Variants in PDLIM1 observed in about 807,000 individuals in gnomAD.
The protein encoded by PDLIM1 is PDZ and LIM domain protein 1.
PDLIM1 carries 25 observed loss-of-function variants against 35.2 expected under a neutral mutation model. That is an observed-to-expected ratio of 0.71 (90% CI 0.52 to 0.99). The LOEUF (loss-of-function observed/expected upper bound fraction) is 0.99, where lower values mean the gene tolerates loss of function less well. PDLIM1 is among the 50% of genes least tolerant of loss of function. The probability of loss-of-function intolerance (pLI) is 0.00; values close to 1 mark genes in which losing one functional copy is unlikely to be tolerated. For missense variants in PDLIM1, 363 were observed against 415.3 expected (o/e 0.87, Z 1.09); for synonymous variants, 152 against 154.0 (o/e 0.99, Z 0.10).
At chr10:95,258,182 A>T (rs183524942) in intron 4 of PDLIM1, among the ~76,000 whole-genome samples, 6 of 152,208 alleles carry the variant, frequency 3.9e-5, no homozygotes, top group Admixed American at 3.9e-4. Flanking sequence ...CCCATGATTC[A>T]ATTACCTCAC....
chr10:95,276,082 C>T (rs1485415423), intron 1 of PDLIM1, among the ~76,000 whole-genome samples: 1 of 152,102 alleles, frequency 6.6e-6, no homozygotes. Context: ...CTTTCATATA[C>T]AATCTCCTAT....
chr10:95,290,516 T>A lies in PDLIM1; in HGVS notation c.96+304A>T, dbSNP rs1289592470. ...GCGGGGACCCTCGTCCCCTCGCTGG[T>A]TGACAAAGAACTAACACCCGCCCCG... On this transcript the variant is annotated intron_variant, in intron 1 of 6. Coordinates refer to ENST00000329399, the MANE Select transcript of PDLIM1 (RefSeq NM_020992.4). The surrounding 1 kb of genome is among the most constrained non-coding windows in gnomAD (Gnocchi z 4.7). Among the ~76,000 whole-genome samples, 1 of 152,062 alleles carries A rather than the reference T, an allele frequency of 6.6e-6. No homozygotes were observed. Among genetic ancestry groups the A allele is most frequent in the Non-Finnish European group, 1.5e-5 (1 of 67,990 alleles).
intron 6 of PDLIM1, 70 bp from the exon 7 acceptor site, chr10:95,238,181 C>T: frequency 7.2e-7 from 1 of 1,394,968 alleles, no homozygotes; most frequent in Non-Finnish European, 9.9e-7. Flanking sequence ...GAGCAGGTGG[C>T]ACCATCCTTC....
At chr10:95,284,883 C>T (rs1001250419) in intron 1 of PDLIM1, among the ~76,000 whole-genome samples, 1 of 152,150 alleles carries the variant, frequency 6.6e-6, no homozygotes, top group Admixed American at 6.5e-5. Context: ...AACTCAGCCA[C>T]GGATGAGCAG....
intron 1 of PDLIM1, among the ~76,000 whole-genome samples, chr10:95,288,211 A>G (rs1036870183): frequency 1.3e-5 from 2 of 152,242 alleles, no homozygotes; most frequent in African/African-American, 2.4e-5. Flanking sequence ...TTGCAAGTAC[A>G]TAAGATTAGC....
chr10:95,257,218 T>C (rs1190015956), intron 4 of PDLIM1, among the ~76,000 whole-genome samples: 2 of 151,488 alleles, frequency 1.3e-5, no homozygotes, highest in Non-Finnish European at 2.9e-5. Context: ...CCTGTCTCTA[T>C]TAAAAAATAA....
intron 3 of PDLIM1, among the ~76,000 whole-genome samples, chr10:95,266,774 G>C (rs1052944412): frequency 6.6e-6 from 1 of 152,186 alleles, no homozygotes; most frequent in Non-Finnish European, 1.5e-5. Context: ...CATCTGGTTT[G>C]TACATAAAAG....
intron 3 of PDLIM1, among the ~76,000 whole-genome samples, 190 bp downstream of exon 3, chr10:95,268,588 G>C (rs1258570343): frequency 6.6e-6 from 1 of 152,158 alleles, no homozygotes; most frequent in African/African-American, 2.4e-5. Context: ...ACTGCCCTGG[G>C]GTTTTCCAGC....
intron 6 of PDLIM1, 104 bp from the exon 7 acceptor site, chr10:95,238,215 C>T: frequency 1.0e-6 from 1 of 990,294 alleles, no homozygotes; most frequent in Non-Finnish European, 1.5e-6. Flanking sequence ...TGGGGCTTCT[C>T]CCCAGGAACC....
At chr10:95,251,857 G>A (rs2035270677) in intron 4 of PDLIM1, among the ~76,000 whole-genome samples, 1 of 152,176 alleles carries the variant, frequency 6.6e-6, no homozygotes, top group Admixed American at 6.5e-5. Flanking sequence ...CCCACGTCCT[G>A]AGGACCACGA....
intron 1 of PDLIM1, among the ~76,000 whole-genome samples, chr10:95,272,452 C>G (rs45609537): frequency 6.6e-6 from 1 of 152,010 alleles, no homozygotes; most frequent in African/African-American, 2.4e-5. Context: ...CCAAGGCAGG[C>G]GGATCACCTG....
intron 4 of PDLIM1, among the ~76,000 whole-genome samples, chr10:95,256,367 A>T (rs1007587312): frequency 2.0e-5 from 3 of 152,170 alleles, no homozygotes; most frequent in African/African-American, 7.2e-5. Flanking sequence ...ATAAAATCTC[A>T]AAGGATCCTA....
Position 95,277,640 on chromosome 10 carries a change from A to AAAAATAAAATAAAAT in PDLIM1, c.97-5871_97-5857dup, listed in dbSNP as rs45565541. ...CCTGGGCAACAGAGTAAGAATGTCTAAAAATAAAATAAAATAAAATAAAAC... is the reference window on the plus strand; with the variant it reads ...CCTGGGCAACAGAGTAAGAATGTCTAAAAATAAAATAAAATAAAATAAAATAAAATAAAATAAAAC... On this transcript the variant is annotated intron_variant, in intron 1 of 6. Transcript: ENST00000329399. Among the ~76,000 whole-genome samples the AAAAATAAAATAAAAT allele has an allele frequency of 8.2e-3, 1,236 of 150,354 alleles. 24 individuals are homozygous for AAAAATAAAATAAAAT. Among genetic ancestry groups the AAAAATAAAATAAAAT allele is most frequent in the African/African-American group, 0.029 (1,180 of 40,890 alleles).
At chr10:95,242,285 AGTTCCAACTTT>A (rs1465626562) in intron 5 of PDLIM1, among the ~76,000 whole-genome samples, 1 of 152,096 alleles carries the variant, frequency 6.6e-6, no homozygotes, top group Non-Finnish European at 1.5e-5. Flanking sequence ...AGGAGGCCAA[AGTTCCAACTTT>A]GTTCACCATA....
chr10:95,242,561 C>T (rs770311250), intron 5 of PDLIM1, among the ~76,000 whole-genome samples: 2 of 151,952 alleles, frequency 1.3e-5, no homozygotes, highest in African/African-American at 2.4e-5. Context: ...GTGGGACGTG[C>T]CTGTAGTCCC....
At chr10:95,243,616 T>A (rs765225059) in intron 5 of PDLIM1, among the ~76,000 whole-genome samples, 2 of 152,086 alleles carry the variant, frequency 1.3e-5, no homozygotes, top group Non-Finnish European at 2.9e-5. Context: ...GCTGAACTAG[T>A]CTCCAGTTTT....
intron 4 of PDLIM1, among the ~76,000 whole-genome samples, chr10:95,258,400 G>T (rs573463197): frequency 6.6e-6 from 1 of 152,234 alleles, no homozygotes; most frequent in Admixed American, 6.5e-5. Flanking sequence ...TACTCGGGAG[G>T]CTGAGGCAGA....
intron 2 of PDLIM1, among the ~76,000 whole-genome samples, chr10:95,269,828 C>G (rs796930955): frequency 4.3e-4 from 65 of 152,208 alleles, no homozygotes; most frequent in African/African-American, 1.5e-3. Flanking sequence ...CTCCGCTTCC[C>G]AGGCTCAAGC....
chr10:95,251,702 C>T (rs1316051836), intron 4 of PDLIM1, among the ~76,000 whole-genome samples: 3 of 152,196 alleles, frequency 2.0e-5, no homozygotes, highest in Non-Finnish European at 4.4e-5. Context: ...ATGGTCTCCT[C>T]ATAAAAATAT....
Sources: gnomAD v4.1 joint callset for allele counts (sites outside exome capture counted in the v4.1 genomes callset) on GRCh38, gnomAD v4.1.1 for gene constraint, Gnocchi (gnomAD v3.1) non-coding constraint, MANE v1.5 for transcripts, NCBI Gene and HGNC (gene_info 2026-07-23, HGNC 2026-07-21) for gene names.